DDX60: variants seen among roughly 807,000 people sequenced by gnomAD.
DDX60 encodes DExD/H-box helicase 60.
A neutral mutation model predicts 212.8 loss-of-function variants in DDX60; 165 were observed. That is an observed-to-expected ratio of 0.78 (90% CI 0.68 to 0.88). DDX60 has a LOEUF of 0.88. Ranked by LOEUF, DDX60 falls within the 40% of genes least tolerant of loss-of-function variation. DDX60 has a pLI of 0.00. For synonymous variants in DDX60, 703 were observed against 685.3 expected, an observed-to-expected ratio of 1.03 and a Z score of -0.40; for missense variants, 1,905 against 2,003.9, an observed-to-expected ratio of 0.95 and a Z score of 0.94.
At position 168,237,322 on chromosome 4, in the gene DDX60, C is replaced by A; in HGVS notation, c.4375G>T (p.Gly1459Ter). The A allele has an allele frequency of 6.3e-7, 1 of 1,586,726 alleles. No homozygotes were observed. Among genetic ancestry groups the A allele is most frequent in the Non-Finnish European group, 8.6e-7 (1 of 1,167,024 alleles). Residue 1459 changes from glycine (G) to a stop codon, truncating the protein, a stop_gained, in exon 32 of 38, where the codon GGA becomes TGA. Transcript: ENST00000393743. LOFTEE classifies it high-confidence loss of function. The part of the protein sequence containing the change: ...NLVFVSFLVN[G>*]LFHDLCQPTR... ...GGCTGACAGAGATCATGGAAGAGTC[C>A]ATTTACAAGAAAACTGACAAAAACA...
chr4:168,255,705 A>G lies in DDX60; in HGVS notation c.3557+6T>C. The G allele has an allele frequency of 6.3e-7, 1 of 1,579,258 alleles. No homozygotes were observed. Among genetic ancestry groups the G allele is most frequent in the Non-Finnish European group, 8.5e-7 (1 of 1,170,084 alleles). On this transcript the variant is annotated splice_donor_region_variant and intron_variant, in intron 26 of 37. Transcript: ENST00000393743. ...TACTTATCAATTTGTTTAGTTAACT[A>G]CTTACATGATCTTTTGTTTCTCTAT...
intron 33 of DDX60, among the ~76,000 whole-genome samples, chr4:168,228,944 T>C (rs142580034): frequency 6.6e-6 from 1 of 152,176 alleles, no homozygotes; most frequent in East Asian, 1.9e-4. Context: ...GTTATTTTAA[T>C]TGAGCACATT....
chr4:168,277,758 G>A (rs886657204), intron 14 of DDX60, among the ~76,000 whole-genome samples: 1 of 145,300 alleles, frequency 6.9e-6, no homozygotes, highest in African/African-American at 2.6e-5. Flanking sequence ...GCAGTGAGCC[G>A]AGATAGTGCC....
rs529592891 is a variant in DDX60, at chr4:168,268,526, G to C, written c.2786+328C>G. ...AATGGACCACAGGACCCATGGCTGA[G>C]TGTGTTGTTATATCATTTTATTTTT... On this transcript the variant is annotated intron_variant, in intron 20 of 37. Transcript: ENST00000393743. 3.9e-5 allele frequency among the ~76,000 whole-genome samples: 6 copies of C among 152,182 alleles called. No homozygotes were observed. In the South Asian group the frequency reaches 1.2e-3, roughly 32 times the overall value.
chr4:168,254,292 CT>C (rs1560830079), intron 26 of DDX60, among the ~76,000 whole-genome samples: 1 of 152,136 alleles, frequency 6.6e-6, no homozygotes, highest in Non-Finnish European at 1.5e-5. Context: ...AAAGGGTCCC[CT>C]CACCCTCACT....
chr4:168,295,413 T>C (rs1736298933), intron 6 of DDX60, among the ~76,000 whole-genome samples: 1 of 152,240 alleles, frequency 6.6e-6, no homozygotes, highest in Non-Finnish European at 1.5e-5. Flanking sequence ...GGCCAATCCC[T>C]TACTTCAATC....
intron 6 of DDX60, among the ~76,000 whole-genome samples, chr4:168,297,279 A>C (rs1317438499): frequency 7.1e-6 from 1 of 139,880 alleles, no homozygotes; most frequent in Non-Finnish European, 1.5e-5. Context: ...AAAAGAAAGA[A>C]AGAAAGAGAG....
At chr4:168,321,801 A>T (rs114719778), upstream of DDX60, among the ~76,000 whole-genome samples, 1,021 of 152,302 alleles carry the variant, frequency 6.7e-3, 14 homozygotes, top group African/African-American at 0.023. Context: ...GTCAACTAAA[A>T]CATAGTGTTC....
At chr4:168,241,296 C>T (rs146802030) in intron 30 of DDX60, among the ~76,000 whole-genome samples, 8,896 of 152,164 alleles carry the variant, frequency 0.058, 446 homozygotes, top group East Asian at 0.15. Flanking sequence ...GAGTGGGGTG[C>T]TGCTGAAAAG....
At chr4:168,232,470 G>A (rs761092205) in intron 33 of DDX60, among the ~76,000 whole-genome samples, 2 of 151,896 alleles carry the variant, frequency 1.3e-5, no homozygotes. Flanking sequence ...TATACTATAC[G>A]GTTATAGTCA....
intron 19 of DDX60, among the ~76,000 whole-genome samples, chr4:168,270,428 C>A (rs987190523): frequency 3.9e-5 from 6 of 152,226 alleles, no homozygotes; most frequent in African/African-American, 1.4e-4. Context: ...TGACCTTATG[C>A]TTTGCACTAG....
intron 13 of DDX60, among the ~76,000 whole-genome samples, chr4:168,283,022 T>A (rs1735660035): frequency 6.6e-6 from 1 of 152,156 alleles, no homozygotes; most frequent in South Asian, 2.1e-4. Context: ...AAAAAATGTG[T>A]TGGATTAATC....
intron 30 of DDX60, among the ~76,000 whole-genome samples, chr4:168,239,375 A>AAGATAGATAGATAGATAGAT (rs60160375): frequency 1.3e-5 from 2 of 148,770 alleles, no homozygotes; most frequent in African/African-American, 2.5e-5. Context: ...TGATAGAAGG[A>AAGATAGATAGATAGATAGAT]AGATAGATAG....
rs745764973 is a variant in DDX60 at position 168,225,659 on chromosome 4, GAGATC to G, written c.4546_4550del (p.Asp1516ProfsTer2). The G allele has an allele frequency of 1.1e-5, 17 of 1,610,702 alleles. No individual in the cohort carries two copies. The South Asian group carries it at 1.8e-4, about 17-fold the overall frequency. ...CTAAAGCATCACTAAAATCCTCAGG[GAGATC>G]ATCAAGGAACACCTAGAAGCCGAAT... is the stretch of plus-strand genomic sequence containing the variant. On this transcript the variant is annotated frameshift_variant, in exon 34 of 38. Coordinates refer to ENST00000393743, the MANE Select transcript of DDX60 (RefSeq NM_017631.6). LOFTEE classifies it high-confidence loss of function.
intron 5 of DDX60, among the ~76,000 whole-genome samples, chr4:168,305,267 G>A (rs919274282): frequency 4.6e-5 from 7 of 152,124 alleles, no homozygotes; most frequent in African/African-American, 1.7e-4. Context: ...GCATTTCTTG[G>A]AATGTATCCA....
chr4:168,246,145 A>G (rs895972166), intron 30 of DDX60, among the ~76,000 whole-genome samples: 2 of 152,176 alleles, frequency 1.3e-5, no homozygotes, highest in Admixed American at 1.3e-4. Context: ...GCACTTAACT[A>G]TTATAGGACA....
chr4:168,271,316 AG>A (rs1477561573), intron 19 of DDX60, among the ~76,000 whole-genome samples: 2 of 152,218 alleles, frequency 1.3e-5, no homozygotes, highest in African/African-American at 4.8e-5. Flanking sequence ...CTTCGTCAAA[AG>A]GACTCTTATG....
At chr4:168,266,357 T>C (rs536291267) in intron 22 of DDX60, among the ~76,000 whole-genome samples, 39 of 152,272 alleles carry the variant, frequency 2.6e-4, no homozygotes, top group Non-Finnish European at 5.6e-4. Context: ...ACATAGCAAT[T>C]TGTTAGGAAA....
At chr4:168,261,409 T>C (rs1169567472) in intron 24 of DDX60, among the ~76,000 whole-genome samples, 1 of 152,202 alleles carries the variant, frequency 6.6e-6, no homozygotes, top group Non-Finnish European at 1.5e-5. Flanking sequence ...TTATATTATG[T>C]TTTTGAATGG....
Sources: allele counts gnomAD v4.1 joint callset (sites outside exome capture counted in the v4.1 genomes callset), GRCh38; gene constraint gnomAD v4.1.1; transcripts MANE v1.5; gene names NCBI Gene and HGNC (gene_info 2026-07-23, HGNC 2026-07-21).